Variants in RANBP2 observed in about 807,000 individuals in gnomAD.
RANBP2 encodes E3 SUMO-protein ligase RanBP2.
In RANBP2, 57 loss-of-function variants were observed where a neutral mutation model predicts 303.6. The ratio of observed to expected loss-of-function variants is 0.19; its 90% confidence interval spans 0.15 to 0.23. The LOEUF (loss-of-function observed/expected upper bound fraction) is 0.23. RANBP2 is among the 10% of genes least tolerant of loss of function. The probability of loss-of-function intolerance (pLI) is 1.00; values close to 1 mark genes in which losing one functional copy is unlikely to be tolerated. For synonymous variants in RANBP2, 1,167 were observed against 1,301.5 expected, an observed-to-expected ratio of 0.90 and a Z score of 2.23; for missense variants, 3,138 against 3,780.8, an observed-to-expected ratio of 0.83 and a Z score of 4.46.
chr2:109,585,036 A>G, the RANBP2 span: 1 of 636,418 alleles, frequency 1.6e-6, no homozygotes, highest in Non-Finnish European at 2.6e-6. Context: ...GGATTACCAT[A>G]GGAGAAAATC....
the RANBP2 span, among the ~76,000 whole-genome samples, chr2:109,524,555 G>C: frequency 0.064 from 9,714 of 151,364 alleles, 742 homozygotes; most frequent in East Asian, 0.24. Context: ...CTAGGAGTTC[G>C]AGACCAGCCT....
the RANBP2 span, among the ~76,000 whole-genome samples, chr2:109,045,322 A>C: frequency 6.6e-6 from 1 of 152,176 alleles, no homozygotes; most frequent in Admixed American, 6.5e-5. Context: ...ACTATTTCAT[A>C]TTCAACAGGG....
At chr2:108,939,697 A>T in the RANBP2 span, among the ~76,000 whole-genome samples, 1 of 152,236 alleles carries the variant, frequency 6.6e-6, no homozygotes, top group Non-Finnish European at 1.5e-5. Context: ...TATTTGCTTA[A>T]CTGCATTCTG....
the RANBP2 span, among the ~76,000 whole-genome samples, chr2:108,831,477 T>A: frequency 2.6e-5 from 4 of 152,284 alleles, no homozygotes; most frequent in African/African-American, 9.6e-5. Context: ...GCTTGGTATT[T>A]AGAGGGGATA....
At chr2:108,793,683 G>T in the RANBP2 span, among the ~76,000 whole-genome samples, 1 of 151,314 alleles carries the variant, frequency 6.6e-6, no homozygotes, top group East Asian at 2.0e-4. Flanking sequence ...TGTAAGCTCC[G>T]CCTCCCGGAT....
chr2:108,723,319 G>A (rs985038256), intron 1 of RANBP2, among the ~76,000 whole-genome samples: 2 of 142,822 alleles, frequency 1.4e-5, no homozygotes, highest in African/African-American at 2.6e-5. Flanking sequence ...TCGCTCTATC[G>A]TCCAGGCTGG....
chr2:109,705,655 A>G, the RANBP2 span, among the ~76,000 whole-genome samples: 1 of 152,076 alleles, frequency 6.6e-6, no homozygotes, highest in Non-Finnish European at 1.5e-5. Flanking sequence ...GTGTGGAGCC[A>G]CTCCAGAGCC....
chr2:108,890,802 G>A, the RANBP2 span, among the ~76,000 whole-genome samples: 8 of 151,802 alleles, frequency 5.3e-5, no homozygotes, highest in African/African-American at 1.5e-4. Context: ...CTAATAACTC[G>A]AATATTTGAT....
chr2:109,149,771 G>A, the RANBP2 span, among the ~76,000 whole-genome samples: 2 of 152,204 alleles, frequency 1.3e-5, no homozygotes, highest in African/African-American at 4.8e-5. Context: ...AGTGACAATT[G>A]GAAAACCTTA....
the RANBP2 span, among the ~76,000 whole-genome samples, chr2:108,873,064 C>T: frequency 6.6e-6 from 1 of 151,892 alleles, no homozygotes; most frequent in Non-Finnish European, 1.5e-5. Context: ...AATTTGGAGG[C>T]TCTTTGATTT....
At position 108,749,140 on chromosome 2, in the gene RANBP2, T is replaced by A; in HGVS notation, c.1273+11T>A. 2 of 1,611,958 alleles carry A rather than the reference T, an allele frequency of 1.2e-6. No individual in the cohort carries two copies. The highest frequency in any genetic ancestry group is 1.7e-6 in the Non-Finnish European group (2 of 1,179,840). ...CTAGATACGATGTTGGTAAGTTATATGTTTCAGAGGAAATGGTCTCCGTCT... is the reference window on the plus strand; with the variant it reads ...CTAGATACGATGTTGGTAAGTTATAAGTTTCAGAGGAAATGGTCTCCGTCT... On this transcript the variant is annotated intron_variant, in intron 9 of 28. Transcript: ENST00000283195.
At chr2:109,408,153 T>A in the RANBP2 span, among the ~76,000 whole-genome samples, 2 of 152,090 alleles carry the variant, frequency 1.3e-5, no homozygotes, top group Non-Finnish European at 2.9e-5. Flanking sequence ...CCTGCAGGGA[T>A]CCACAGAGGG....
At chr2:109,260,065 C>G in the RANBP2 span, among the ~76,000 whole-genome samples, 11 of 152,294 alleles carry the variant, frequency 7.2e-5, no homozygotes, top group Middle Eastern at 3.4e-3. Flanking sequence ...TGATGTTTAT[C>G]TCAACCCTGG....
the RANBP2 span, among the ~76,000 whole-genome samples, chr2:109,663,046 C>A: frequency 1.3e-5 from 2 of 152,180 alleles, no homozygotes; most frequent in Non-Finnish European, 2.9e-5. Flanking sequence ...TTCAATTTAA[C>A]CTTCACAATC....
chr2:109,736,692 C>T, the RANBP2 span, among the ~76,000 whole-genome samples: 1 of 152,006 alleles, frequency 6.6e-6, no homozygotes, highest in Non-Finnish European at 1.5e-5. Flanking sequence ...CCCAGAAACC[C>T]GCGTTTTATT....
At chr2:108,795,543 T>C in the RANBP2 span, among the ~76,000 whole-genome samples, 1 of 152,242 alleles carries the variant, frequency 6.6e-6, no homozygotes, top group African/African-American at 2.4e-5. Context: ...TGTTTGAAAT[T>C]CTTCCCGTTG....
chr2:109,239,782 G>A, the RANBP2 span, among the ~76,000 whole-genome samples: 1 of 152,230 alleles, frequency 6.6e-6, no homozygotes, highest in African/African-American at 2.4e-5. Flanking sequence ...GGAGTCCCTT[G>A]TCTTTGGGAG....
the RANBP2 span, among the ~76,000 whole-genome samples, chr2:109,762,451 A>G: frequency 1.3e-5 from 2 of 149,332 alleles, no homozygotes; most frequent in South Asian, 2.2e-4. Context: ...CTGTTTCGGT[A>G]TATTTTTATG....
chr2:109,511,634 T>C, the RANBP2 span, among the ~76,000 whole-genome samples: 1 of 152,198 alleles, frequency 6.6e-6, no homozygotes, highest in Non-Finnish European at 1.5e-5. Flanking sequence ...GCACAAGCCC[T>C]GGGGTCAGGG....
Sources: allele counts gnomAD v4.1 joint callset (sites outside exome capture counted in the v4.1 genomes callset), GRCh38; gene constraint gnomAD v4.1.1; transcripts MANE v1.5; gene names NCBI Gene and HGNC (gene_info 2026-07-23, HGNC 2026-07-21).